Variants in ZCCHC7 observed in about 807,000 individuals in gnomAD.
ZCCHC7 encodes the protein zinc finger CCHC domain-containing protein 7.
In ZCCHC7, 35 loss-of-function variants were observed where a neutral mutation model predicts 52.0. The observed-to-expected ratio is 0.67, with a 90% CI of 0.51 to 0.89. The LOEUF is 0.89. Ranked by LOEUF, ZCCHC7 falls within the 40% of genes least tolerant of loss-of-function variation. The pLI, the probability that ZCCHC7 is intolerant of heterozygous loss-of-function variation, is 0.00. For synonymous variants in ZCCHC7, 217 were observed against 221.5 expected (o/e 0.98, Z 0.18); for missense variants, 574 against 649.1 (o/e 0.88, Z 1.26).
At chr9:37,185,395 G>A (rs1588445335) in intron 2 of ZCCHC7, among the ~76,000 whole-genome samples, 1 of 152,304 alleles carries the variant, frequency 6.6e-6, no homozygotes, top group East Asian at 1.9e-4. Context: ...AAATAAATAA[G>A]ATGATGTATT....
intron 7 of ZCCHC7, among the ~76,000 whole-genome samples, chr9:37,350,510 C>T (rs1370740836): frequency 6.6e-6 from 1 of 152,184 alleles, no homozygotes; most frequent in African/African-American, 2.4e-5. Context: ...TACATGTAAA[C>T]CCTGGCATTC....
At chr9:37,123,748 A>C (rs1356177915) in intron 1 of ZCCHC7, among the ~76,000 whole-genome samples, 1 of 152,190 alleles carries the variant, frequency 6.6e-6, no homozygotes, top group Non-Finnish European at 1.5e-5. Context: ...AATTCCTTTG[A>C]CTTCTTTTAG....
intron 2 of ZCCHC7, among the ~76,000 whole-genome samples, chr9:37,282,623 A>G (rs914479109): frequency 1.3e-5 from 2 of 151,300 alleles, no homozygotes; most frequent in African/African-American, 4.9e-5. Flanking sequence ...AAAAAAAAAA[A>G]AAAGTTTAAA....
chr9:37,283,787 A>G (rs745921780), intron 2 of ZCCHC7, among the ~76,000 whole-genome samples: 15 of 152,204 alleles, frequency 9.9e-5, no homozygotes, highest in Non-Finnish European at 1.6e-4. Flanking sequence ...TTTAGTCATC[A>G]AAATAAACTC....
chr9:37,250,573 A>G (rs1826283228), intron 2 of ZCCHC7, among the ~76,000 whole-genome samples: 1 of 152,124 alleles, frequency 6.6e-6, no homozygotes, highest in South Asian at 2.1e-4. Flanking sequence ...AAGTACTAGG[A>G]TTACAGGCGT....
intron 7 of ZCCHC7, among the ~76,000 whole-genome samples, chr9:37,350,324 G>T (rs1018739167): frequency 6.6e-6 from 1 of 151,710 alleles, no homozygotes; most frequent in Non-Finnish European, 1.5e-5. Context: ...TAGAAATGAG[G>T]TTCCACCATG....
chr9:37,303,211 G>A (rs182059740), intron 3 of ZCCHC7, among the ~76,000 whole-genome samples: 1 of 152,212 alleles, frequency 6.6e-6, no homozygotes, highest in East Asian at 1.9e-4. Flanking sequence ...GATCACCTGA[G>A]GTCAGGAGTT....
At chr9:37,311,156 A>G (rs1312654017) in intron 5 of ZCCHC7, among the ~76,000 whole-genome samples, 1 of 152,126 alleles carries the variant, frequency 6.6e-6, no homozygotes, top group Non-Finnish European at 1.5e-5. Context: ...ACAAGAGACC[A>G]TTGCAGCTTC....
upstream of ZCCHC7, chr9:37,120,568 C>A (rs1334435857): frequency 2.5e-6 from 1 of 399,306 alleles, no homozygotes; most frequent in Non-Finnish European, 4.4e-6. Flanking sequence ...TCGCCCCTCC[C>A]CGTCCCTCTA....
chr9:37,160,803 T>G (rs1337249481), intron 2 of ZCCHC7, among the ~76,000 whole-genome samples: 1 of 151,968 alleles, frequency 6.6e-6, no homozygotes, highest in Non-Finnish European at 1.5e-5. Context: ...GGAGAATTGC[T>G]TGAACCTGGG....
intron 2 of ZCCHC7, among the ~76,000 whole-genome samples, chr9:37,254,471 A>G (rs1826476265): frequency 6.6e-6 from 1 of 151,976 alleles, no homozygotes; most frequent in African/African-American, 2.4e-5. Flanking sequence ...CCAGACTCCC[A>G]CAAAAAAAAA....
chr9:37,302,134 T>G (rs1259581217), intron 2 of ZCCHC7, 54 bp from the exon 3 acceptor site: 1 of 1,428,810 alleles, frequency 7.0e-7, no homozygotes. Flanking sequence ...CTATTGTCAA[T>G]CTATAAGTCC....
At chr9:37,343,847 G>T (rs1588699188) in intron 6 of ZCCHC7, among the ~76,000 whole-genome samples, 1 of 152,272 alleles carries the variant, frequency 6.6e-6, no homozygotes, top group Non-Finnish European at 1.5e-5. Context: ...AGGCCATATG[G>T]TCTCTGTTAT....
intron 2 of ZCCHC7, among the ~76,000 whole-genome samples, chr9:37,218,766 G>A (rs1292380242): frequency 2.6e-5 from 4 of 151,790 alleles, no homozygotes; most frequent in Non-Finnish European, 5.9e-5. Flanking sequence ...CCGAGATTGC[G>A]CCACTGCACT....
At chr9:37,242,084 T>C (rs970261750) in intron 2 of ZCCHC7, among the ~76,000 whole-genome samples, 1 of 151,832 alleles carries the variant, frequency 6.6e-6, no homozygotes, top group Non-Finnish European at 1.5e-5. Flanking sequence ...ATGAACTGGC[T>C]TTTGTTATAG....
chr9:37,176,960 T>C (rs895754447), intron 2 of ZCCHC7, among the ~76,000 whole-genome samples: 2 of 152,226 alleles, frequency 1.3e-5, no homozygotes, highest in Admixed American at 1.3e-4. Flanking sequence ...TTTAAACTAC[T>C]GATGCCTCAG....
At chr9:37,236,549 G>A (rs1016490799) in intron 2 of ZCCHC7, among the ~76,000 whole-genome samples, 6 of 151,788 alleles carry the variant, frequency 4.0e-5, no homozygotes, top group Non-Finnish European at 7.4e-5. Context: ...CCGCCACCAC[G>A]CCCGGCTAAT....
intron 2 of ZCCHC7, among the ~76,000 whole-genome samples, chr9:37,165,411 A>G (rs531591868): frequency 6.6e-6 from 1 of 152,216 alleles, no homozygotes; most frequent in South Asian, 2.1e-4. Context: ...GAGGGAAAGT[A>G]TACAGTCTTT....
chr9:37,202,847 C>T (rs1430499177), intron 2 of ZCCHC7, among the ~76,000 whole-genome samples: 5 of 152,156 alleles, frequency 3.3e-5, no homozygotes, highest in Non-Finnish European at 7.3e-5. Flanking sequence ...GTTTTTAGCA[C>T]AAGTGAACAA....
Sources: gnomAD v4.1 joint callset for allele counts (sites outside exome capture counted in the v4.1 genomes callset) on GRCh38, gnomAD v4.1.1 for gene constraint, MANE v1.5 for transcripts, NCBI Gene and HGNC (gene_info 2026-07-23, HGNC 2026-07-21) for gene names.